The following FBN3 variants were observed in gnomAD, a reference collection of about 807,000 sequenced individuals.
The protein encoded by FBN3 is fibrillin 3.
In FBN3, 234 loss-of-function variants were observed where a neutral mutation model predicts 330.1. That is an observed-to-expected ratio of 0.71 (90% CI 0.64 to 0.79). The LOEUF (loss-of-function observed/expected upper bound fraction) is 0.79, where lower values mean the gene tolerates loss of function less well. FBN3 is among the 30% of genes least tolerant of loss of function. FBN3 has a pLI of 0.00. For synonymous variants in FBN3, 1,458 were observed against 1,517.3 expected, an observed-to-expected ratio of 0.96 and a Z score of 0.91; for missense variants, 3,606 against 3,886.9, an observed-to-expected ratio of 0.93 and a Z score of 1.92.
chr19:8,102,688 G>A (rs1325031354), intron 40 of FBN3, 36 bp downstream of exon 40: 5 of 1,596,686 alleles, frequency 3.1e-6, no homozygotes, highest in East Asian at 2.2e-5. Flanking sequence ...GCTAGGAGGG[G>A]CCAGGCTGGG....
chr19:8,115,600 A>G lies in FBN3; in HGVS notation c.3753T>C (p.His1251=). 1 of 1,613,968 alleles carries G rather than the reference A, an allele frequency of 6.2e-7. No homozygotes were observed. The change falls in exon 30 of 64, where the codon CAT becomes CAC. Residue 1251 remains histidine (H), a synonymous_variant. Coordinates refer to ENST00000600128, the MANE Select transcript of FBN3 (RefSeq NM_032447.5). ...ECDLNPHICL[H]GDCENTKGSF... Reference sequence around the variant, plus strand: ...AACCCTTCGTGTTCTCGCAGTCCCCATGGAGGCAGATGTGAGGGTTCAGGT... The same window carrying G: ...AACCCTTCGTGTTCTCGCAGTCCCCGTGGAGGCAGATGTGAGGGTTCAGGT...
chr19:8,147,490 C>T lies in FBN3; in HGVS notation c.-10G>A. On this transcript the variant is annotated 5_prime_UTR_variant, in exon 2 of 64. Transcript: ENST00000600128. ...GACCCTCCAGAGTCATGGCGTGTCCCCTGGAGGCTGCGGAGAGGAAGCAGA... is the reference window on the plus strand; with the variant it reads ...GACCCTCCAGAGTCATGGCGTGTCCTCTGGAGGCTGCGGAGAGGAAGCAGA... The T allele has an allele frequency of 6.8e-7, 1 of 1,460,666 alleles. No homozygotes were observed. The highest frequency in any genetic ancestry group is 9.0e-7 in the Non-Finnish European group (1 of 1,105,008). 90.5% of individuals were successfully genotyped at this position (1,460,666 alleles called of 1,614,324 possible).
At chr19:8,132,847 T>C in intron 14 of FBN3, 137 bp downstream of exon 14, 1 of 1,029,630 alleles carries the variant, frequency 9.7e-7, no homozygotes, top group South Asian at 1.9e-5. Flanking sequence ...CCTCCTCCTC[T>C]TTTTCTCCCT....
intron 22 of FBN3, among the ~76,000 whole-genome samples, chr19:8,125,432 A>AC (rs1462952799): frequency 1.2e-4 from 18 of 146,294 alleles, no homozygotes; most frequent in Non-Finnish European, 2.3e-4. Flanking sequence ...AGAAAAAAAA[A>AC]CCCACCCAAA....
At position 8,115,617 on chromosome 19, in the gene FBN3, G is replaced by A. The variant is rs908579886; in HGVS notation, c.3736C>T (p.Pro1246Ser). ...CAGTCCCCATGGAGGCAGATGTGAG[G>A]GTTCAGGTCACACTCATCCACATCT... ...CVDVDECDLN[P>S]HICLHGDCEN... The change falls in exon 30 of 64, where the codon CCT becomes TCT. Residue 1246 changes from proline to serine, a missense_variant. Pro to Ser is a moderately conservative substitution (Grantham distance 74, BLOSUM62 -1). Transcript: ENST00000600128. 17 of 1,613,948 alleles carry A rather than the reference G, an allele frequency of 1.1e-5. No individual in the cohort carries two copies. Among genetic ancestry groups the A allele is most frequent in the African/African-American group, 2.7e-5 (2 of 74,898 alleles).
intron 26 of FBN3, among the ~76,000 whole-genome samples, chr19:8,118,513 TAG>T (rs1189636266): frequency 6.6e-6 from 1 of 151,914 alleles, no homozygotes; most frequent in African/African-American, 2.4e-5. Flanking sequence ...TTGCCCTTGG[TAG>T]AGACATTCAT....
intron 63 of FBN3, among the ~76,000 whole-genome samples, chr19:8,070,777 C>T (rs1334449831): frequency 6.6e-6 from 1 of 152,090 alleles, no homozygotes; most frequent in African/African-American, 2.4e-5. Flanking sequence ...AATCCCAGCA[C>T]TTTGGGAGGC....
At chr19:8,135,936 G>GCGCCCCCCCCC in intron 13 of FBN3, 25 bp downstream of exon 13, 2 of 668,778 alleles carry the variant, frequency 3.0e-6, no homozygotes, top group South Asian at 1.6e-5. Flanking sequence ...GGAAGCCCCT[G>GCGCCCCCCCCC]CCCACCCGCC....
chr19:8,085,466 A>AC lies in FBN3; in HGVS notation c.6983dup (p.Gly2329TrpfsTer32), dbSNP rs2081919991. The AC allele has an allele frequency of 6.3e-7, 1 of 1,582,960 alleles. No homozygotes were observed. Among genetic ancestry groups the AC allele is most frequent in the Admixed American group, 1.8e-5 (1 of 55,104 alleles). ...CGCAGCGGGGCCCCCAGCCCCGGCC[A>AC]CCCCCACAGCAGCACTCGGCCCTGG... is the stretch of plus-strand genomic sequence containing the variant. On this transcript the variant is annotated frameshift_variant, in exon 56 of 64. Transcript: ENST00000600128. LOFTEE classifies it high-confidence loss of function.
intron 24 of FBN3, among the ~76,000 whole-genome samples, chr19:8,122,568 T>C (rs1001535350): frequency 3.3e-5 from 5 of 151,810 alleles, no homozygotes; most frequent in Admixed American, 6.6e-5. Context: ...GGTATTGCCA[T>C]GTTGGCCAGG....
At position 8,066,164 on chromosome 19, in the gene FBN3, C is replaced by A. The variant is rs780445413; in HGVS notation, c.8185G>T (p.Ala2729Ser). 6.2e-7 allele frequency: 1 copy of A among 1,612,954 alleles called. No individual in the cohort carries two copies. The highest frequency in any genetic ancestry group is 1.1e-5 in the South Asian group (1 of 91,076). The part of the protein sequence containing the change: ...RAERILELRP[A>S]LEGLEGRIRY... ...ATCCGGCCCTCTAGACCCTCCAGGG[C>A]CGGCCGGAGCTCCAGGATGCGCTCG... Residue 2729 changes from alanine (A) to serine (S), a missense_variant, in exon 64 of 64, where the codon GCC becomes TCC. Coordinates refer to ENST00000600128, the MANE Select transcript of FBN3 (RefSeq NM_032447.5).
chr19:8,085,733 G>A (rs927204985), intron 55 of FBN3, among the ~76,000 whole-genome samples, 164 bp from the exon 56 acceptor site: 6 of 152,060 alleles, frequency 3.9e-5, no homozygotes, highest in African/African-American at 1.4e-4. Flanking sequence ...GTCACCGGCT[G>A]GGGTTAGCTC....
rs570844230 is a variant in FBN3 at position 8,111,992 on chromosome 19, C to T, written c.3946G>A (p.Gly1316Ser). The stretch of plus-strand genomic sequence containing the variant: ...AGGTACTCACCGTGACATTCGAAGC[C>T]ATCCCCCACCCAGCCTGGCAGGCAC... ...CRCLPGWVGD[G>S]FECHDLDECV... is the part of the protein sequence containing the mutation. Residue 1316 changes from glycine (G) to serine (S), a missense_variant, in exon 31 of 64, where the codon GGC becomes AGC. Gly to Ser is a moderately conservative substitution (Grantham distance 56). Coordinates refer to ENST00000600128, the MANE Select transcript of FBN3 (RefSeq NM_032447.5). The T allele has an allele frequency of 3.5e-5, 57 of 1,608,558 alleles. No individual in the cohort carries two copies. In the African/African-American group the frequency reaches 5.8e-4, roughly 16 times the overall value.
intron 8 of FBN3, among the ~76,000 whole-genome samples, chr19:8,139,393 G>A (rs551928572): frequency 2.0e-5 from 3 of 152,068 alleles, no homozygotes; most frequent in Non-Finnish European, 4.4e-5. Flanking sequence ...TATGGCCAAT[G>A]CTCGCTCAGT....
intron 5 of FBN3, among the ~76,000 whole-genome samples, 163 bp downstream of exon 5, chr19:8,145,680 C>CA (rs56250248): frequency 0.066 from 7,195 of 108,588 alleles, 390 homozygotes; most frequent in Non-Finnish European, 0.095. Flanking sequence ...GACTCTGTCT[C>CA]AAAAAAAAAA....
chr19:8,134,109 G>A (rs911015682), intron 13 of FBN3, among the ~76,000 whole-genome samples: 3 of 151,794 alleles, frequency 2.0e-5, no homozygotes, highest in African/African-American at 7.3e-5. Flanking sequence ...GGGCGTGGTG[G>A]TGGGTGCCTG....
chr19:8,132,720 G>A (rs1471980497), intron 14 of FBN3, among the ~76,000 whole-genome samples: 1 of 152,118 alleles, frequency 6.6e-6, no homozygotes, highest in Non-Finnish European at 1.5e-5. Flanking sequence ...TTGAACTCCT[G>A]ACCTCAAATG....
intron 47 of FBN3, among the ~76,000 whole-genome samples, chr19:8,092,177 C>CAA (rs138095815): frequency 0.071 from 8,272 of 115,696 alleles, 740 homozygotes; most frequent in African/African-American, 0.23. Context: ...GACTCTGTCT[C>CAA]AAAAAAAAAA....
chr19:8,071,659 C>A (rs1003693622), intron 63 of FBN3, among the ~76,000 whole-genome samples: 4 of 152,256 alleles, frequency 2.6e-5, no homozygotes, highest in African/African-American at 9.6e-5. Flanking sequence ...CCTTCACCAA[C>A]CAGGAGGTGA....
Sources: allele counts gnomAD v4.1 joint callset (sites outside exome capture counted in the v4.1 genomes callset), GRCh38; gene constraint gnomAD v4.1.1; transcripts MANE v1.5; gene names NCBI Gene and HGNC (gene_info 2026-07-23, HGNC 2026-07-21).